Variants in TMEM132C observed in about 807,000 individuals in gnomAD.
TMEM132C encodes transmembrane protein 132C, also known as protein phosphatase 1, regulatory subunit 152.
Under a neutral mutation model 61.4 loss-of-function variants are expected in TMEM132C, and 29 were observed. That is an observed-to-expected ratio of 0.47 (90% CI 0.35 to 0.64). The LOEUF (loss-of-function observed/expected upper bound fraction) is 0.64, where lower values mean the gene tolerates loss of function less well. Among genes scored for constraint, TMEM132C ranks in the 30% least tolerant of loss-of-function variants. The pLI is 0.00. For synonymous variants in TMEM132C, 656 were observed against 633.1 expected, an observed-to-expected ratio of 1.04 and a Z score of -0.54; for missense variants, 1,408 against 1,476.9, an observed-to-expected ratio of 0.95 and a Z score of 0.76.
chr12:128,505,155 T>C (rs1017363023), intron 2 of TMEM132C, among the ~76,000 whole-genome samples: 3 of 152,012 alleles, frequency 2.0e-5, no homozygotes, highest in Non-Finnish European at 4.4e-5. Context: ...TCAGGGCTCA[T>C]TGGGAAGGAG....
At chr12:128,452,269 T>G (rs908473041) in intron 2 of TMEM132C, among the ~76,000 whole-genome samples, 17 of 151,826 alleles carry the variant, frequency 1.1e-4, no homozygotes, top group Admixed American at 4.6e-4. Flanking sequence ...AGCTAATTTT[T>G]GTGTTTTTTT....
intron 4 of TMEM132C, among the ~76,000 whole-genome samples, chr12:128,622,358 AAAATATATATATATATAT>A (rs1331226718): frequency 1.2e-4 from 6 of 48,292 alleles, no homozygotes; most frequent in East Asian, 1.1e-3. Context: ...AAAAAAAAAA[AAAATATATATATATATAT>A]ATATATATAT....
chr12:128,569,336 G>A (rs140261509), intron 3 of TMEM132C, among the ~76,000 whole-genome samples: 2 of 152,246 alleles, frequency 1.3e-5, no homozygotes, highest in African/African-American at 4.8e-5. Flanking sequence ...ACATATCTGG[G>A]TCTGACAGGC....
chr12:128,288,435 C>A (rs143152369), intron 1 of TMEM132C: 1,630 of 152,814 alleles, frequency 0.011, 16 homozygotes, highest in Non-Finnish European at 0.016. Context: ...ACACCCTCCT[C>A]TCCTTCCCTC....
At chr12:128,388,812 C>T (rs1234053251) in intron 1 of TMEM132C, among the ~76,000 whole-genome samples, 1 of 152,244 alleles carries the variant, frequency 6.6e-6, no homozygotes, top group Admixed American at 6.5e-5. Context: ...TTTCGGTTGC[C>T]CTAGTTTTGA....
chr12:128,661,781 G>A (rs1358227394), intron 4 of TMEM132C, among the ~76,000 whole-genome samples: 3 of 151,874 alleles, frequency 2.0e-5, no homozygotes, highest in African/African-American at 7.3e-5. Flanking sequence ...ATACAAACAG[G>A]GATAGATCAT....
chr12:128,525,789 C>A (rs144495906), intron 2 of TMEM132C, among the ~76,000 whole-genome samples: 1 of 152,306 alleles, frequency 6.6e-6, no homozygotes, highest in African/African-American at 2.4e-5. Flanking sequence ...ATACCTGCAA[C>A]TCCTGGCCTG....
At chr12:128,667,786 T>G (rs1954493277) in intron 4 of TMEM132C, among the ~76,000 whole-genome samples, 1 of 152,138 alleles carries the variant, frequency 6.6e-6, no homozygotes, top group Admixed American at 6.6e-5. Flanking sequence ...TCAGGTAGTA[T>G]CCTACAAAAT....
Position 128,300,354 on chromosome 12 carries a change from G to A in TMEM132C, c.85+32867G>A, listed in dbSNP as rs549289733. ...CAGCCTCATGAACTTATCTCCTTGAGCCTGGGACCTTCCTGAAAAGCAGAG... is the reference window on the plus strand; with the variant it reads ...CAGCCTCATGAACTTATCTCCTTGAACCTGGGACCTTCCTGAAAAGCAGAG... On this transcript the variant is annotated intron_variant, in intron 1 of 8. Coordinates refer to ENST00000435159, the MANE Select transcript of TMEM132C (RefSeq NM_001136103.3). 1.7e-4 allele frequency among the ~76,000 whole-genome samples: 26 copies of A among 152,274 alleles called. 1 individual carries two copies. In the South Asian group the frequency reaches 5.0e-3, roughly 29 times the overall value.
chr12:128,270,146 T>C (rs1242643257), intron 1 of TMEM132C, among the ~76,000 whole-genome samples: 1 of 152,232 alleles, frequency 6.6e-6, no homozygotes, highest in Non-Finnish European at 1.5e-5. Flanking sequence ...CAGGCTGAGA[T>C]GCCCTCGGAA....
At chr12:128,513,762 C>T (rs1319204411) in intron 2 of TMEM132C, among the ~76,000 whole-genome samples, 2 of 152,126 alleles carry the variant, frequency 1.3e-5, no homozygotes, top group African/African-American at 4.8e-5. Flanking sequence ...AGGACTTTTC[C>T]TTTAATTGAA....
At chr12:128,662,763 AACT>A (rs1954405084) in intron 4 of TMEM132C, among the ~76,000 whole-genome samples, 1 of 151,980 alleles carries the variant, frequency 6.6e-6, no homozygotes, top group Non-Finnish European at 1.5e-5. Flanking sequence ...CCTTTTTATT[AACT>A]ACTACCTCTT....
At chr12:128,554,801 G>A (rs1015821152) in intron 3 of TMEM132C, among the ~76,000 whole-genome samples, 2 of 151,908 alleles carry the variant, frequency 1.3e-5, no homozygotes, top group African/African-American at 4.9e-5. Context: ...CTATAAACAC[G>A]CATCTGAGCT....
At chr12:128,314,228 G>T (rs971261365) in intron 1 of TMEM132C, among the ~76,000 whole-genome samples, 1 of 152,214 alleles carries the variant, frequency 6.6e-6, no homozygotes, top group Non-Finnish European at 1.5e-5. Flanking sequence ...AAAGAAGGAA[G>T]AAATGTGTTG....
At chr12:128,574,882 A>G (rs1034225869) in intron 3 of TMEM132C, among the ~76,000 whole-genome samples, 7 of 152,114 alleles carry the variant, frequency 4.6e-5, no homozygotes, top group African/African-American at 1.7e-4. Flanking sequence ...CTCTTCACAT[A>G]TTTCCATTAT....
intron 2 of TMEM132C, among the ~76,000 whole-genome samples, chr12:128,469,262 A>T (rs1249417281): frequency 6.6e-6 from 1 of 152,106 alleles, no homozygotes; most frequent in Non-Finnish European, 1.5e-5. Flanking sequence ...GCACAGAGAC[A>T]CATTTTACTT....
chr12:128,442,249 C>G (rs887536278), intron 2 of TMEM132C, among the ~76,000 whole-genome samples: 5 of 152,184 alleles, frequency 3.3e-5, no homozygotes, highest in Admixed American at 1.3e-4. Context: ...TGATTGATTT[C>G]TCCTTCATAT....
At chr12:128,425,259 G>A (rs1215596795) in intron 2 of TMEM132C, among the ~76,000 whole-genome samples, 2 of 152,244 alleles carry the variant, frequency 1.3e-5, no homozygotes, top group Admixed American at 1.3e-4. Flanking sequence ...ACCGCGGCCA[G>A]CCTTTGGTAC....
At chr12:128,593,703 A>G (rs946080688) in intron 3 of TMEM132C, among the ~76,000 whole-genome samples, 6 of 152,124 alleles carry the variant, frequency 3.9e-5, no homozygotes, top group Admixed American at 1.3e-4. Context: ...GGGCATCTGC[A>G]CCCTAATTAC....
Sources: gnomAD v4.1 joint callset for allele counts (sites outside exome capture counted in the v4.1 genomes callset) on GRCh38, gnomAD v4.1.1 for gene constraint, MANE v1.5 for transcripts, NCBI Gene and HGNC (gene_info 2026-07-23, HGNC 2026-07-21) for gene names.